The following ARHGAP42 variants were observed in gnomAD, a reference collection of about 807,000 sequenced individuals.
ARHGAP42 encodes the protein rho GTPase-activating protein 42.
In ARHGAP42, 63 loss-of-function variants were observed where a neutral mutation model predicts 125.0. The ratio of observed to expected loss-of-function variants is 0.50; its 90% CI spans 0.41 to 0.62. The LOEUF is 0.62. ARHGAP42 is among the 20% of genes least tolerant of loss of function. The pLI, the probability that ARHGAP42 is intolerant of heterozygous loss-of-function variation, is 0.00. For synonymous variants in ARHGAP42, 339 were observed against 351.0 expected (o/e 0.97, Z 0.38); for missense variants, 766 against 1,024.2 (o/e 0.75, Z 3.44).
intron 14 of ARHGAP42, among the ~76,000 whole-genome samples, chr11:100,961,401 C>T (rs944002529): frequency 3.3e-5 from 5 of 152,014 alleles, no homozygotes; most frequent in African/African-American, 7.2e-5. Context: ...TGTTAATCTC[C>T]GTAAAGCACT....
chr11:100,929,096 T>C (rs925255398), intron 6 of ARHGAP42, among the ~76,000 whole-genome samples: 7 of 152,166 alleles, frequency 4.6e-5, no homozygotes, highest in Admixed American at 3.9e-4. Context: ...GAGACCAGTT[T>C]TATGGAAGAC....
In ARHGAP42 at chr11:100,748,214, AG is replaced by A. The variant is rs1359332512; in HGVS notation, c.155-22128del. The stretch of plus-strand genomic sequence containing the variant: ...GTCCATATTAATTTAGGATTGGTAC[AG>A]ATGGCTCCTTCCTGATTCTATAAGT... On this transcript the variant is annotated intron_variant, in intron 1 of 23. Coordinates refer to ENST00000298815, the MANE Select transcript of ARHGAP42 (RefSeq NM_152432.4). Among the ~76,000 whole-genome samples the A allele has an allele frequency of 5.9e-5, 9 of 152,262 alleles. No homozygotes were observed. The East Asian group carries it at 1.5e-3, about 26-fold the overall frequency.
chr11:100,856,270 C>T (rs1011118574), intron 3 of ARHGAP42, among the ~76,000 whole-genome samples: 2 of 151,988 alleles, frequency 1.3e-5, no homozygotes, highest in African/African-American at 4.8e-5. Context: ...GGTTTCCTAC[C>T]CTTTATATGA....
At chr11:100,767,624 T>TA (rs1190760110) in intron 1 of ARHGAP42, among the ~76,000 whole-genome samples, 2 of 152,122 alleles carry the variant, frequency 1.3e-5, no homozygotes, top group Non-Finnish European at 2.9e-5. Context: ...CATCTAGGTT[T>TA]GAGGGAAGTT....
intron 3 of ARHGAP42, among the ~76,000 whole-genome samples, chr11:100,829,502 C>A (rs1394704498): frequency 6.6e-6 from 1 of 152,148 alleles, no homozygotes; most frequent in Non-Finnish European, 1.5e-5. Context: ...CTGACCAGGG[C>A]ATGCAAAGAA....
At chr11:100,899,660 T>A (rs1206514663) in intron 4 of ARHGAP42, among the ~76,000 whole-genome samples, 1 of 147,512 alleles carries the variant, frequency 6.8e-6, no homozygotes, top group African/African-American at 2.5e-5. Flanking sequence ...ACTAGGATTG[T>A]AGTCCCTGCT....
intron 3 of ARHGAP42, among the ~76,000 whole-genome samples, chr11:100,815,233 TC>T (rs1337608228): frequency 3.3e-5 from 5 of 152,232 alleles, no homozygotes; most frequent in Non-Finnish European, 5.9e-5. Context: ...AGGTTCCTTT[TC>T]CATTAGCCTT....
chr11:100,732,462 C>T (rs906571151), intron 1 of ARHGAP42, among the ~76,000 whole-genome samples: 2 of 152,196 alleles, frequency 1.3e-5, no homozygotes, highest in Admixed American at 1.3e-4. Context: ...TACATCGTCT[C>T]AGACCAAAAT....
intron 3 of ARHGAP42, among the ~76,000 whole-genome samples, chr11:100,817,934 A>T (rs1241373251): frequency 6.6e-6 from 1 of 152,208 alleles, no homozygotes; most frequent in Admixed American, 6.5e-5. Flanking sequence ...GTCTGTCACA[A>T]TGTTATCAGA....
At chr11:100,879,754 C>T (rs1272104667) in intron 4 of ARHGAP42, among the ~76,000 whole-genome samples, 2 of 152,160 alleles carry the variant, frequency 1.3e-5, no homozygotes, top group Admixed American at 6.5e-5. Flanking sequence ...TCAGCTTCTC[C>T]GCTGTATATT....
intron 2 of ARHGAP42, among the ~76,000 whole-genome samples, chr11:100,776,996 A>C (rs1016675690): frequency 2.2e-4 from 34 of 152,166 alleles, no homozygotes; most frequent in African/African-American, 7.7e-4. Context: ...AAAAAAAAAA[A>C]AAAAACACGA....
chr11:100,950,510 G>A (rs550361152), intron 12 of ARHGAP42, among the ~76,000 whole-genome samples: 32 of 151,524 alleles, frequency 2.1e-4, no homozygotes, highest in African/African-American at 7.5e-4. Flanking sequence ...TAAAATATAA[G>A]GACCTTGTCA....
At chr11:100,706,436 C>G (rs1861483678) in intron 1 of ARHGAP42, among the ~76,000 whole-genome samples, 1 of 152,192 alleles carries the variant, frequency 6.6e-6, no homozygotes, top group Non-Finnish European at 1.5e-5. Flanking sequence ...GGAACCACTT[C>G]TGAAACTTTG....
intron 3 of ARHGAP42, among the ~76,000 whole-genome samples, chr11:100,856,033 C>A (rs1436693518): frequency 6.6e-6 from 1 of 152,136 alleles, no homozygotes; most frequent in East Asian, 1.9e-4. Flanking sequence ...TTAGTAAAGT[C>A]ATGCAAAGTT....
chr11:100,706,924 C>A (rs1025272267), intron 1 of ARHGAP42, among the ~76,000 whole-genome samples: 1 of 152,150 alleles, frequency 6.6e-6, no homozygotes, highest in South Asian at 2.1e-4. Flanking sequence ...TTCCCTAGCC[C>A]CTGGAAACTG....
intron 1 of ARHGAP42, among the ~76,000 whole-genome samples, chr11:100,736,155 A>C (rs1181867039): frequency 6.6e-6 from 1 of 152,176 alleles, no homozygotes; most frequent in East Asian, 1.9e-4. Context: ...AAGGTTGTTT[A>C]GGTGGTTTTA....
chr11:100,974,866 T>C (rs1858348229), intron 19 of ARHGAP42, among the ~76,000 whole-genome samples: 1 of 152,130 alleles, frequency 6.6e-6, no homozygotes, highest in Admixed American at 6.6e-5. Context: ...CATTGGGTGC[T>C]CCTTTGTAGC....
intron 4 of ARHGAP42, among the ~76,000 whole-genome samples, chr11:100,862,313 T>C (rs893729913): frequency 1.3e-5 from 2 of 152,128 alleles, no homozygotes; most frequent in African/African-American, 4.8e-5. Flanking sequence ...ATCAATGGTG[T>C]TTTTATAAAA....
At position 100,938,904 on chromosome 11, in the gene ARHGAP42, T is replaced by C. The variant is rs573769528; in HGVS notation, c.832+2572T>C. On this transcript the variant is annotated intron_variant, in intron 8 of 23. Coordinates refer to ENST00000298815, the MANE Select transcript of ARHGAP42 (RefSeq NM_152432.4). The stretch of plus-strand genomic sequence containing the variant: ...AGTTCTGTGGGGGACAAAAATGAGA[T>C]AAATATTTGGCTTCAAGATTTTTAT... Among the ~76,000 whole-genome samples the C allele has an allele frequency of 4.9e-4, 75 of 152,306 alleles. 1 individual carries two copies. Among genetic ancestry groups the C allele is most frequent in the African/African-American group, 1.1e-3 (44 of 41,574 alleles).
Sources: gnomAD v4.1 joint callset for allele counts (sites outside exome capture counted in the v4.1 genomes callset) on GRCh38, gnomAD v4.1.1 for gene constraint, MANE v1.5 for transcripts, NCBI Gene and HGNC (gene_info 2026-07-23, HGNC 2026-07-21) for gene names.